Variants in GRM8 observed in about 807,000 individuals in gnomAD.
GRM8 encodes glutamate metabotropic receptor 8, also known as metabotropic glutamate receptor 8.
GRM8 carries 47 observed loss-of-function variants against 87.2 expected under a neutral mutation model. The observed-to-expected ratio is 0.54, with a 90% confidence interval of 0.43 to 0.69. GRM8 has a LOEUF of 0.69. GRM8 is among the 30% of genes least tolerant of loss of function. GRM8 has a pLI of 0.00. For synonymous variants in GRM8, 396 were observed against 404.5 expected, an observed-to-expected ratio of 0.98 and a Z score of 0.25; for missense variants, 1,019 against 1,139.2, an observed-to-expected ratio of 0.89 and a Z score of 1.52.
At chr7:126,942,327 T>C (rs1807047404) in intron 3 of GRM8, among the ~76,000 whole-genome samples, 1 of 152,192 alleles carries the variant, frequency 6.6e-6, no homozygotes, top group Non-Finnish European at 1.5e-5. Flanking sequence ...ATTCTGCATG[T>C]CTTTTGTCCT....
At chr7:127,104,438 G>T (rs1203615775) in intron 3 of GRM8, among the ~76,000 whole-genome samples, 1 of 152,078 alleles carries the variant, frequency 6.6e-6, no homozygotes, top group African/African-American at 2.4e-5. Flanking sequence ...CATGTAAAAG[G>T]TTTAATTTTC....
intron 3 of GRM8, among the ~76,000 whole-genome samples, chr7:127,015,966 T>G (rs976190957): frequency 6.6e-6 from 1 of 152,138 alleles, no homozygotes; most frequent in African/African-American, 2.4e-5. Context: ...AAGAAAAAGA[T>G]TGGGCATATT....
At chr7:127,213,096 C>G (rs1796319065) in intron 2 of GRM8, among the ~76,000 whole-genome samples, 1 of 152,156 alleles carries the variant, frequency 6.6e-6, no homozygotes, top group Admixed American at 6.5e-5. Flanking sequence ...AACCCAAAGC[C>G]CAGTGCTGTC....
At chr7:127,094,472 G>A (rs1025878922) in intron 3 of GRM8, among the ~76,000 whole-genome samples, 16 of 152,296 alleles carry the variant, frequency 1.1e-4, no homozygotes, top group Middle Eastern at 3.4e-3. Context: ...GGCTCAATCC[G>A]GCAGCCATGA....
intron 8 of GRM8, among the ~76,000 whole-genome samples, chr7:126,582,068 T>C (rs1795666768): frequency 6.6e-6 from 1 of 152,156 alleles, no homozygotes; most frequent in Non-Finnish European, 1.5e-5. Context: ...CTAGAAATGA[T>C]AATATTTAGT....
At chr7:126,850,861 G>A (rs1797146258) in intron 6 of GRM8, among the ~76,000 whole-genome samples, 1 of 152,136 alleles carries the variant, frequency 6.6e-6, no homozygotes, top group Non-Finnish European at 1.5e-5. Context: ...GAACACCAGG[G>A]CTTAGGTAAC....
intron 6 of GRM8, among the ~76,000 whole-genome samples, chr7:126,775,729 G>C (rs1442720364): frequency 1.3e-5 from 2 of 152,058 alleles, no homozygotes; most frequent in East Asian, 3.9e-4. Flanking sequence ...GAGAGGATCA[G>C]TCAGGTAGAT....
rs970082569 is a variant in GRM8, at chr7:126,904,034, T to C, written c.956A>G (p.Tyr319Cys). The C allele has an allele frequency of 1.2e-6, 2 of 1,602,706 alleles. No homozygotes were observed. Among genetic ancestry groups the C allele is most frequent in the African/African-American group, 1.3e-5 (1 of 74,502 alleles). The change falls in exon 5 of 11, where the codon TAT becomes TGT. Residue 319 changes from tyrosine (Y) to cysteine (C), a missense_variant. By Grantham distance (194) the Tyr-to-Cys change is radical. Coordinates refer to ENST00000339582, the MANE Select transcript of GRM8 (RefSeq NM_000845.3). Reference protein sequence around the residue: ...DSWGSKIAPVYQQEEIAEGAV... With the variant: ...DSWGSKIAPVCQQEEIAEGAV... ...CCCTTCTGCAATCTCCTCTTGCTGA[T>C]AGACAGGTGCTATTTTGGATCCCCA...
At chr7:126,799,243 TG>T (rs1017690816) in intron 6 of GRM8, among the ~76,000 whole-genome samples, 2 of 152,084 alleles carry the variant, frequency 1.3e-5, no homozygotes, top group Admixed American at 1.3e-4. Flanking sequence ...ATAGGATTCT[TG>T]AACACACTGA....
chr7:126,734,422 G>T (rs1358075397), intron 7 of GRM8, among the ~76,000 whole-genome samples: 1 of 151,430 alleles, frequency 6.6e-6, no homozygotes, highest in Non-Finnish European at 1.5e-5. Flanking sequence ...AAAAAAGATA[G>T]CCAGATTAAT....
intron 1 of GRM8, among the ~76,000 whole-genome samples, chr7:127,246,662 T>C (rs1798597794): frequency 6.6e-6 from 1 of 152,218 alleles, no homozygotes; most frequent in African/African-American, 2.4e-5. Flanking sequence ...GGCCTAAGAC[T>C]CCTGGAAGCA....
chr7:126,509,402 C>T (rs906998758), intron 9 of GRM8, among the ~76,000 whole-genome samples: 5 of 151,822 alleles, frequency 3.3e-5, no homozygotes, highest in Admixed American at 6.6e-5. Context: ...ATGGCTGATA[C>T]GCACATAAAT....
chr7:126,647,621 T>A (rs1803306005), intron 7 of GRM8, among the ~76,000 whole-genome samples: 1 of 152,122 alleles, frequency 6.6e-6, no homozygotes, highest in South Asian at 2.1e-4. Flanking sequence ...ACTTGCCTCT[T>A]AGCATATGGA....
At chr7:126,910,646 C>T (rs1803185371) in intron 3 of GRM8, among the ~76,000 whole-genome samples, 1 of 152,112 alleles carries the variant, frequency 6.6e-6, no homozygotes, top group Non-Finnish European at 1.5e-5. Flanking sequence ...TATTAGGGTG[C>T]CATGAATTAG....
At chr7:127,141,647 A>C (rs1178920319) in intron 2 of GRM8, among the ~76,000 whole-genome samples, 1 of 152,154 alleles carries the variant, frequency 6.6e-6, no homozygotes, top group African/African-American at 2.4e-5. Flanking sequence ...AGTGAGCATA[A>C]AATTTAGGTA....
intron 6 of GRM8, among the ~76,000 whole-genome samples, chr7:126,834,659 A>G (rs906318706): frequency 3.3e-5 from 5 of 152,356 alleles, no homozygotes; most frequent in Admixed American, 6.5e-5. Context: ...TGAATTGACA[A>G]GGCTTTAATA....
At chr7:126,947,556 A>G (rs1453717100) in intron 3 of GRM8, among the ~76,000 whole-genome samples, 1 of 151,794 alleles carries the variant, frequency 6.6e-6, no homozygotes. Context: ...ACACACATAC[A>G]CACATATATA....
At chr7:126,996,578 C>T (rs1813199130) in intron 3 of GRM8, among the ~76,000 whole-genome samples, 1 of 151,886 alleles carries the variant, frequency 6.6e-6, no homozygotes, top group African/African-American at 2.4e-5. Flanking sequence ...TAAAGATACA[C>T]ATAGACTAAA....
At chr7:126,650,611 G>T (rs1167119560) in intron 7 of GRM8, among the ~76,000 whole-genome samples, 1 of 152,098 alleles carries the variant, frequency 6.6e-6, no homozygotes, top group Non-Finnish European at 1.5e-5. Flanking sequence ...GGACTTGGAA[G>T]AAGCATGATT....
Sources: allele counts gnomAD v4.1 joint callset (sites outside exome capture counted in the v4.1 genomes callset), GRCh38; gene constraint gnomAD v4.1.1; transcripts MANE v1.5; gene names NCBI Gene and HGNC (gene_info 2026-07-23, HGNC 2026-07-21).